The following RECK variants were observed in gnomAD, a reference collection of about 807,000 sequenced individuals.
RECK encodes reversion-inducing cysteine-rich protein with Kazal motifs.
RECK carries 69 observed loss-of-function variants against 115.1 expected under a neutral mutation model. That is an observed-to-expected ratio of 0.60 (90% CI 0.49 to 0.73). RECK has a LOEUF of 0.73. Among genes scored for constraint, RECK ranks in the 30% least tolerant of loss-of-function variants. The pLI is 0.00. For missense variants in RECK, 1,047 were observed against 1,203.7 expected (o/e 0.87, Z 1.93); for synonymous variants, 414 against 419.7 (o/e 0.99, Z 0.17).
chr9:36,103,169 G>A (rs1823629460), intron 12 of RECK, among the ~76,000 whole-genome samples: 1 of 152,164 alleles, frequency 6.6e-6, no homozygotes, highest in African/African-American at 2.4e-5. Flanking sequence ...TACACACCCA[G>A]TAGTTAAGGG....
intron 6 of RECK, chr9:36,066,764 C>T: frequency 1.6e-6 from 2 of 1,283,978 alleles, no homozygotes; most frequent in Non-Finnish European, 2.0e-6. Context: ...GTCCATCTTC[C>T]ATAGCCTGTC....
intron 10 of RECK, among the ~76,000 whole-genome samples, chr9:36,098,140 A>C (rs931902035): frequency 6.6e-6 from 1 of 152,208 alleles, no homozygotes; most frequent in South Asian, 2.1e-4. Flanking sequence ...AGTTCAAGAG[A>C]TCTGTTATAC....
chr9:36,052,027 A>G (rs533352546), intron 1 of RECK, among the ~76,000 whole-genome samples: 1 of 152,330 alleles, frequency 6.6e-6, no homozygotes, highest in South Asian at 2.1e-4. Flanking sequence ...AGTAGCTATT[A>G]TTATTACATG....
At chr9:36,106,160 A>C (rs1464555046) in intron 13 of RECK, among the ~76,000 whole-genome samples, 1 of 149,336 alleles carries the variant, frequency 6.7e-6, no homozygotes, top group African/African-American at 2.5e-5. Flanking sequence ...CAGTGAGCCA[A>C]GATCGCGCCA....
chr9:36,087,020 T>C (rs1477962325), intron 8 of RECK, among the ~76,000 whole-genome samples: 1 of 152,204 alleles, frequency 6.6e-6, no homozygotes, highest in Non-Finnish European at 1.5e-5. Context: ...AGATACCTTG[T>C]CCACCTAAAG....
At chr9:36,043,502 G>T (rs1820963760) in intron 1 of RECK, among the ~76,000 whole-genome samples, 3 of 151,938 alleles carry the variant, frequency 2.0e-5, no homozygotes, top group Admixed American at 2.0e-4. Flanking sequence ...TTCTTTTGCT[G>T]TGCAGAAGCT....
chr9:36,039,945 A>G (rs1182237410), intron 1 of RECK, among the ~76,000 whole-genome samples: 2 of 152,200 alleles, frequency 1.3e-5, no homozygotes, highest in Middle Eastern at 3.2e-3. Flanking sequence ...GCATCCATAA[A>G]TTTAAGCAAT....
At chr9:36,067,165 G>A (rs1822036574) in intron 6 of RECK, among the ~76,000 whole-genome samples, 1 of 152,256 alleles carries the variant, frequency 6.6e-6, no homozygotes, top group African/African-American at 2.4e-5. Flanking sequence ...TTGAAGTCTA[G>A]TCTAGACATA....
chr9:36,051,901 T>C (rs1290341201), intron 1 of RECK, among the ~76,000 whole-genome samples: 2 of 152,358 alleles, frequency 1.3e-5, no homozygotes, highest in East Asian at 3.9e-4. Flanking sequence ...ATCAGTTGAC[T>C]TTTTATTATT....
chr9:36,104,292 GTATATATATATATATATATA>G (rs11273343), intron 12 of RECK, among the ~76,000 whole-genome samples: 32 of 43,888 alleles, frequency 7.3e-4, no homozygotes, highest in Admixed American at 2.5e-3. Flanking sequence ...GTGTGTGTGT[GTATATATATATATATATATA>G]TATATATATA....
At chr9:36,098,852 T>C (rs956749769) in intron 10 of RECK, among the ~76,000 whole-genome samples, 1 of 152,180 alleles carries the variant, frequency 6.6e-6, no homozygotes, top group Non-Finnish European at 1.5e-5. Context: ...TAATCTATGG[T>C]GATAAAGATC....
At chr9:36,098,323 A>G (rs1036485127) in intron 10 of RECK, among the ~76,000 whole-genome samples, 1 of 152,236 alleles carries the variant, frequency 6.6e-6, no homozygotes, top group Non-Finnish European at 1.5e-5. Flanking sequence ...GTTGCACACA[A>G]TAAATATATA....
chr9:36,117,308 C>T, intron 17 of RECK, 131 bp downstream of exon 17: 5 of 674,460 alleles, frequency 7.4e-6, no homozygotes, highest in Non-Finnish European at 1.2e-5. Flanking sequence ...GCACCCAGTC[C>T]TCCACTAAAA....
intron 16 of RECK, among the ~76,000 whole-genome samples, chr9:36,113,561 G>A (rs929488133): frequency 2.0e-5 from 3 of 152,158 alleles, no homozygotes; most frequent in African/African-American, 7.2e-5. Context: ...GAATGAGGTT[G>A]TCTTGCTTTT....
chr9:36,042,495 GGGCATT>G, intron 1 of RECK, among the ~76,000 whole-genome samples: 1 of 151,310 alleles, frequency 6.6e-6, no homozygotes, highest in South Asian at 2.1e-4. Flanking sequence ...TTTATCCAAT[GGGCATT>G]TGGGCTGATT....
At chr9:36,082,328 C>T (rs1358455396) in intron 7 of RECK, among the ~76,000 whole-genome samples, 1 of 152,084 alleles carries the variant, frequency 6.6e-6, no homozygotes, top group African/African-American at 2.4e-5. Flanking sequence ...GGACCACAGG[C>T]ACATGCCACT....
At chr9:36,060,564 A>G (rs1052898196) in intron 4 of RECK, among the ~76,000 whole-genome samples, 2 of 151,486 alleles carry the variant, frequency 1.3e-5, no homozygotes, top group Non-Finnish European at 2.9e-5. Context: ...TCTCAGTACT[A>G]CTCTCTTTGA....
chr9:36,073,231 GACACACACAGACACACAC>G (rs1442935643), intron 6 of RECK, among the ~76,000 whole-genome samples: 22 of 94,994 alleles, frequency 2.3e-4, no homozygotes, highest in African/African-American at 7.8e-4. Context: ...GACACACACA[GACACACACAGACACACAC>G]ACACACACAC....
Position 36,057,718 on chromosome 9 carries a change from T to G in RECK, c.160-1109T>G, listed in dbSNP as rs970046489. Among the ~76,000 whole-genome samples, 6 of 152,144 alleles carry G rather than the reference T, an allele frequency of 3.9e-5. No homozygotes were observed. In the East Asian group the frequency reaches 1.2e-3, roughly 29 times the overall value. The stretch of plus-strand genomic sequence containing the variant: ...TGCCCAAGGTCCCAGCTACTTGGGA[T>G]GCTGAGGCTGGAGAATTGCTTCAGC... On this transcript the variant is annotated intron_variant, in intron 2 of 20. Coordinates refer to ENST00000377966, the MANE Select transcript of RECK (RefSeq NM_021111.3).
Sources: gnomAD v4.1 joint callset for allele counts (sites outside exome capture counted in the v4.1 genomes callset) on GRCh38, gnomAD v4.1.1 for gene constraint, MANE v1.5 for transcripts, NCBI Gene and HGNC (gene_info 2026-07-23, HGNC 2026-07-21) for gene names.